MRPL1: variants seen among roughly 807,000 people sequenced by gnomAD.
MRPL1 encodes large ribosomal subunit protein uL1m.
MRPL1 carries 28 observed loss-of-function variants against 38.0 expected under a neutral mutation model. The observed-to-expected ratio is 0.74, with a 90% CI of 0.55 to 1.01. The LOEUF (loss-of-function observed/expected upper bound fraction) is 1.01. MRPL1 is among the 50% of genes least tolerant of loss of function. The probability of loss-of-function intolerance (pLI) is 0.00; values close to 1 mark genes in which losing one functional copy is unlikely to be tolerated. For synonymous variants in MRPL1, 123 were observed against 126.7 expected (o/e 0.97, Z 0.20); for missense variants, 358 against 389.8 (o/e 0.92, Z 0.69).
At chr4:77,866,810 C>A (rs1024160845) in intron 1 of MRPL1, among the ~76,000 whole-genome samples, 1 of 150,650 alleles carries the variant, frequency 6.6e-6, no homozygotes, top group East Asian at 2.0e-4. Flanking sequence ...TGCAATGGCG[C>A]GATCTCGGCT....
intron 1 of MRPL1, among the ~76,000 whole-genome samples, chr4:77,869,605 T>A (rs1735230018): frequency 6.6e-6 from 1 of 151,960 alleles, no homozygotes; most frequent in African/African-American, 2.4e-5. Context: ...GTTTGTTTGT[T>A]TGTTTTTGAG....
At chr4:77,901,482 C>A (rs1187598803) in intron 6 of MRPL1, among the ~76,000 whole-genome samples, 18 of 148,920 alleles carry the variant, frequency 1.2e-4, no homozygotes, top group Non-Finnish European at 1.9e-4. Context: ...AAAAAAAAAA[C>A]CCAACTATAT....
At chr4:77,874,286 C>T (rs900075577) in intron 2 of MRPL1, among the ~76,000 whole-genome samples, 2 of 152,020 alleles carry the variant, frequency 1.3e-5, no homozygotes, top group East Asian at 1.9e-4. Flanking sequence ...GCACCCGGAC[C>T]GCCTGCATTT....
intron 7 of MRPL1, among the ~76,000 whole-genome samples, chr4:77,927,263 T>C (rs1736735741): frequency 6.6e-6 from 1 of 152,218 alleles, no homozygotes; most frequent in Non-Finnish European, 1.5e-5. Context: ...CCTGAATTAA[T>C]GCTATATAAT....
chr4:77,892,736 T>C (rs1005367661), intron 5 of MRPL1, among the ~76,000 whole-genome samples: 3 of 152,202 alleles, frequency 2.0e-5, no homozygotes, highest in Non-Finnish European at 2.9e-5. Flanking sequence ...CTATTTCCAG[T>C]GATGAGACCC....
intron 7 of MRPL1, among the ~76,000 whole-genome samples, chr4:77,932,605 A>G (rs1407229128): frequency 6.6e-6 from 1 of 152,100 alleles, no homozygotes; most frequent in Non-Finnish European, 1.5e-5. Context: ...ATTACAGAGT[A>G]GATTGGACAT....
rs72869520 is a variant in MRPL1 at position 77,882,884 on chromosome 4, C to T, written c.144-358C>T. Among the ~76,000 whole-genome samples the T allele has an allele frequency of 5.9e-4, 90 of 152,310 alleles. 1 individual carries two copies. Among genetic ancestry groups the T allele is most frequent in the African/African-American group, 2.0e-3 (85 of 41,570 alleles). ...AGAATTGACTTTGAGGTCATTTCCT[C>T]TATAACTTTTCCCTAGCCTCCTAGG... On this transcript the variant is annotated intron_variant, in intron 2 of 8. Coordinates refer to ENST00000315567, the MANE Select transcript of MRPL1 (RefSeq NM_020236.4).
At chr4:77,866,997 C>T (rs1196035374) in intron 1 of MRPL1, among the ~76,000 whole-genome samples, 6 of 152,204 alleles carry the variant, frequency 3.9e-5, no homozygotes, top group South Asian at 2.1e-4. Context: ...CCTCCCACCT[C>T]GGCCTCCCAA....
intron 7 of MRPL1, among the ~76,000 whole-genome samples, chr4:77,947,428 A>G (rs1056736940): frequency 3.3e-5 from 5 of 152,216 alleles, no homozygotes; most frequent in Non-Finnish European, 5.9e-5. Flanking sequence ...ACATAGTCCT[A>G]TATCCCCTTC....
At position 77,928,195 on chromosome 4, in the gene MRPL1, A is replaced by C. The variant is rs182352579; in HGVS notation, c.777+18823A>C. 1.5e-3 allele frequency among the ~76,000 whole-genome samples: 230 copies of C among 152,348 alleles called. 5 individuals are homozygous for C. The highest frequency in any genetic ancestry group is 2.4e-4 in the Non-Finnish European group (16 of 68,026). On this transcript the variant is annotated intron_variant, in intron 7 of 8. Transcript: ENST00000315567. ...AAACAAGTTCAGGACAAGGGACTATAAACAATAGTAAAATCTTATGTTGAA... is the reference window on the plus strand; with the variant it reads ...AAACAAGTTCAGGACAAGGGACTATCAACAATAGTAAAATCTTATGTTGAA...
At chr4:77,873,487 G>A (rs1735329897) in intron 2 of MRPL1, among the ~76,000 whole-genome samples, 1 of 152,198 alleles carries the variant, frequency 6.6e-6, no homozygotes, top group Non-Finnish European at 1.5e-5. Flanking sequence ...CTAGAATACA[G>A]TCCTCAGGTT....
rs201493341 is a variant in MRPL1, at chr4:77,862,839, A to T, written c.-10A>T. 3.1e-6 allele frequency: 5 copies of T among 1,613,930 alleles called. No individual in the cohort carries two copies. The highest frequency in any genetic ancestry group is 2.7e-5 in the African/African-American group (2 of 74,896). ...GAACAATTTCGTGAACGCAATCCGG[A>T]GTGCCCAACATGGCGGCGGCCGTAA... On this transcript the variant is annotated 5_prime_UTR_variant, in exon 1 of 9. Coordinates refer to ENST00000315567, the MANE Select transcript of MRPL1 (RefSeq NM_020236.4).
intron 6 of MRPL1, chr4:77,907,094 A>G (rs1486846221): frequency 9.1e-6 from 9 of 985,282 alleles, no homozygotes; most frequent in African/African-American, 1.7e-5. Flanking sequence ...TGATTCATCT[A>G]TGGAAGACTT....
At chr4:77,897,538 CTCT>C (rs1247935805) in intron 6 of MRPL1, among the ~76,000 whole-genome samples, 1 of 152,156 alleles carries the variant, frequency 6.6e-6, no homozygotes, top group Non-Finnish European at 1.5e-5. Flanking sequence ...ATGTGTATTC[CTCT>C]TAACTTCTAA....
rs143384076 is a variant in MRPL1, at chr4:77,880,832, A to T, written c.144-2410A>T. On this transcript the variant is annotated intron_variant, in intron 2 of 8. Transcript: ENST00000315567. ...ATTATTTATCATTGCCCACATATCTATGGGTCAGCTGACATAGGCTGGGTT... is the reference window on the plus strand; with the variant it reads ...ATTATTTATCATTGCCCACATATCTTTGGGTCAGCTGACATAGGCTGGGTT... Among the ~76,000 whole-genome samples, 4 of 152,250 alleles carry T rather than the reference A, an allele frequency of 2.6e-5. No individual in the cohort carries two copies. The East Asian group carries it at 7.7e-4, about 29-fold the overall frequency.
intron 7 of MRPL1, 132 bp from the exon 8 acceptor site, chr4:77,949,665 G>A: frequency 1.9e-6 from 1 of 522,588 alleles, no homozygotes; most frequent in Admixed American, 3.6e-5. Flanking sequence ...GAGCTATAGA[G>A]GTTTTCCCCT....
chr4:77,897,381 C>A (rs1735942326), intron 6 of MRPL1, among the ~76,000 whole-genome samples: 1 of 152,080 alleles, frequency 6.6e-6, no homozygotes, highest in Non-Finnish European at 1.5e-5. Flanking sequence ...AAAAAAAAAT[C>A]TTGACTTAAT....
chr4:77,864,927 G>C (rs1169322909), intron 1 of MRPL1: 1 of 133,758 alleles, frequency 7.5e-6, no homozygotes, highest in African/African-American at 2.9e-5. Flanking sequence ...ATCTTGCTCT[G>C]TCACCCAGGC....
At chr4:77,938,476 C>G (rs888726816) in intron 7 of MRPL1, among the ~76,000 whole-genome samples, 2 of 152,124 alleles carry the variant, frequency 1.3e-5, no homozygotes, top group Non-Finnish European at 2.9e-5. Context: ...TCAGTATTTC[C>G]TGCTGTTTTC....
Sources: allele counts gnomAD v4.1 joint callset (sites outside exome capture counted in the v4.1 genomes callset), GRCh38; gene constraint gnomAD v4.1.1; transcripts MANE v1.5; gene names NCBI Gene and HGNC (gene_info 2026-07-23, HGNC 2026-07-21).